The following TXNL1 variants were observed in gnomAD, a reference collection of about 807,000 sequenced individuals.
TXNL1 encodes thioredoxin like 1, also known as thioredoxin-like protein 1.
A neutral mutation model predicts 35.5 loss-of-function variants in TXNL1; 14 were observed. The ratio of observed to expected loss-of-function variants is 0.39; its 90% CI spans 0.26 to 0.62. The LOEUF is 0.62. Ranked by LOEUF, TXNL1 falls within the 20% of genes least tolerant of loss-of-function variation. The pLI is 0.47. For missense variants in TXNL1, 263 were observed against 349.7 expected, an observed-to-expected ratio of 0.75 and a Z score of 1.98; for synonymous variants, 110 against 115.5, an observed-to-expected ratio of 0.95 and a Z score of 0.31.
intron 1 of TXNL1, among the ~76,000 whole-genome samples, chr18:56,633,173 C>A (rs1171464661): frequency 6.7e-6 from 1 of 150,240 alleles, no homozygotes; most frequent in Non-Finnish European, 1.5e-5. Flanking sequence ...TTAGGCAGGG[C>A]ACGGTGGCTC....
At chr18:56,631,746 C>A (rs1243359374) in intron 1 of TXNL1, among the ~76,000 whole-genome samples, 2 of 151,926 alleles carry the variant, frequency 1.3e-5, no homozygotes, top group Non-Finnish European at 2.9e-5. Context: ...ATGGTGAAAC[C>A]CCCGTCTCTA....
intron 5 of TXNL1, 100 bp downstream of exon 5, chr18:56,616,145 A>G (rs912749252): frequency 9.9e-6 from 11 of 1,110,024 alleles, no homozygotes; most frequent in Admixed American, 2.7e-5. Flanking sequence ...AAAAAAAAAA[A>G]AGAAAAAACA....
At chr18:56,616,351 T>A in intron 4 of TXNL1, 37 bp from the exon 5 acceptor site, 2 of 1,572,152 alleles carry the variant, frequency 1.3e-6, no homozygotes, top group Non-Finnish European at 1.7e-6. Context: ...AGGGCTCTTG[T>A]ACACACCTTG....
At chr18:56,613,225 C>A (rs1486244596) in intron 6 of TXNL1, among the ~76,000 whole-genome samples, 1 of 152,176 alleles carries the variant, frequency 6.6e-6, no homozygotes, top group Admixed American at 6.5e-5. Context: ...TAGCATTCTT[C>A]TAATTTACAA....
At chr18:56,619,306 G>A (rs1300544064) in intron 3 of TXNL1, among the ~76,000 whole-genome samples, 1 of 151,586 alleles carries the variant, frequency 6.6e-6, no homozygotes, top group African/African-American at 2.4e-5. Context: ...AGGAGGCCGA[G>A]GCGGGTGAAT....
rs777840757 is a variant in TXNL1, at chr18:56,638,481, C to A, written c.-41G>T. The A allele has an allele frequency of 6.3e-7, 1 of 1,585,566 alleles. No homozygotes were observed. The highest frequency in any genetic ancestry group is 8.6e-7 in the Non-Finnish European group (1 of 1,161,708). ...GGCAGGGTGGCCGCGACGCCACTGG[C>A]TTTGAAACTGAAGGAGAAGACGATC... On this transcript the variant is annotated 5_prime_UTR_variant, in exon 1 of 8. Transcript: ENST00000217515.
intron 7 of TXNL1, chr18:56,605,326 A>G (rs1349827169): frequency 6.6e-6 from 1 of 152,192 alleles, no homozygotes; most frequent in African/African-American, 2.4e-5. Flanking sequence ...GTCAATCTTT[A>G]TATTACTTCA....
In TXNL1 at chr18:56,638,515, GA is replaced by G; in HGVS notation, c.-76del. 1 of 1,470,478 alleles carries G rather than the reference GA, an allele frequency of 6.8e-7. No homozygotes were observed. The highest frequency in any genetic ancestry group is 9.3e-7 in the Non-Finnish European group (1 of 1,080,836). 91.1% of individuals were successfully genotyped at this position (1,470,478 alleles called of 1,614,324 possible). On this transcript the variant is annotated 5_prime_UTR_variant, in exon 1 of 8. Transcript: ENST00000217515. ...TGAAGGAGAAGACGATCTGGGAGAG[GA>G]AGGAGAGATGCTCAGGAAGGCCGAG...
chr18:56,614,507 G>T lies in TXNL1; in HGVS notation c.652C>A (p.Leu218Met), dbSNP rs1218449615. 1.2e-6 allele frequency: 2 copies of T among 1,613,848 alleles called. No homozygotes were observed. Among genetic ancestry groups the T allele is most frequent in the East Asian group, 4.5e-5 (2 of 44,850 alleles). The change falls in exon 6 of 8, where the codon CTG (leucine) becomes ATG (methionine). Residue 218 changes from leucine (L) to methionine (M), a missense_variant. Transcript: ENST00000217515. ...TTAATATCATCCTCTGTCAGTTCCA[G>T]AGCTTGAGTTGGTTCACTTCTTTCT... Reference protein sequence around the residue: ...EAERSEPTQALELTEDDIKED... With the variant: ...EAERSEPTQAMELTEDDIKED...
intron 7 of TXNL1, among the ~76,000 whole-genome samples, chr18:56,605,978 T>C (rs1049382509): frequency 3.3e-5 from 5 of 152,230 alleles, no homozygotes; most frequent in African/African-American, 1.2e-4. Context: ...TTTGATCTAC[T>C]TTATTATTCA....
chr18:56,623,341 T>C (rs1306482432), intron 3 of TXNL1, among the ~76,000 whole-genome samples: 1 of 149,854 alleles, frequency 6.7e-6, no homozygotes, highest in African/African-American at 2.5e-5. Context: ...GGCAGGAGAA[T>C]AGCTTGAACC....
At chr18:56,612,064 A>G (rs1300478798) in intron 6 of TXNL1, among the ~76,000 whole-genome samples, 2 of 133,112 alleles carry the variant, frequency 1.5e-5, no homozygotes, top group African/African-American at 2.9e-5. Context: ...ACAGGGTTTC[A>G]CTGTGTTGCC....
chr18:56,625,524 C>G (rs1049609608), intron 2 of TXNL1, among the ~76,000 whole-genome samples: 18 of 152,078 alleles, frequency 1.2e-4, no homozygotes, highest in Non-Finnish European at 2.9e-5. Context: ...CCAGTGGTTA[C>G]AATACCTGAC....
At chr18:56,622,156 G>A (rs909137288) in intron 3 of TXNL1, among the ~76,000 whole-genome samples, 2 of 151,838 alleles carry the variant, frequency 1.3e-5, no homozygotes, top group African/African-American at 2.4e-5. Context: ...AGTTGCACTA[G>A]TCATATAACA....
At chr18:56,611,203 G>A (rs1477093241) in intron 6 of TXNL1, 106 bp from the exon 7 acceptor site, 2 of 800,868 alleles carry the variant, frequency 2.5e-6, no homozygotes, top group African/African-American at 3.7e-5. Context: ...TCCATTCTTT[G>A]TAAAAATTAA....
rs2023779698 is a variant in TXNL1 at position 56,599,263 on chromosome 18, A to G, written c.*3764T>C. On this transcript the variant is annotated 3_prime_UTR_variant, in exon 8 of 8. Transcript: ENST00000217515. Reference sequence around the variant, plus strand: ...AAATCTCCACTGTCCTCTTATTCCTATAGTGCTGAGCATGTTAAAAAAAAA... The same window carrying G: ...AAATCTCCACTGTCCTCTTATTCCTGTAGTGCTGAGCATGTTAAAAAAAAA... The G allele has an allele frequency of 6.6e-6, 1 of 151,222 alleles. No homozygotes were observed. The highest frequency in any genetic ancestry group is 1.9e-4 in the East Asian group (1 of 5,160). The allele number at this position is 151,222 out of a possible 1,614,324, so 9.4% of individuals were successfully genotyped here. A position where few individuals can be genotyped will look rare whatever the true frequency, so the allele number is the denominator to read the frequency against.
intron 5 of TXNL1, among the ~76,000 whole-genome samples, chr18:56,615,267 C>T (rs2024065436): frequency 1.3e-5 from 2 of 151,234 alleles, no homozygotes; most frequent in Admixed American, 6.6e-5. Context: ...TATACAAATA[C>T]TTTGTAATTT....
At chr18:56,620,406 T>C (rs677239) in intron 3 of TXNL1, among the ~76,000 whole-genome samples, 13,383 of 152,300 alleles carry the variant, frequency 0.088, 751 homozygotes, top group Non-Finnish European at 0.13. Flanking sequence ...AGTTCAAAAA[T>C]AAATTTAAAA....
chr18:56,616,131 CAAAAA>C, intron 5 of TXNL1, 109 bp downstream of exon 5: 11 of 688,576 alleles, frequency 1.6e-5, no homozygotes, highest in Admixed American at 3.9e-5. Context: ...GACTCTGTCT[CAAAAA>C]AAAAAAAAAA....
Sources: allele counts gnomAD v4.1 joint callset (sites outside exome capture counted in the v4.1 genomes callset), GRCh38; gene constraint gnomAD v4.1.1; transcripts MANE v1.5; gene names NCBI Gene and HGNC (gene_info 2026-07-23, HGNC 2026-07-21).